Variants in FLI1 observed in about 807,000 individuals in gnomAD.
FLI1 encodes Fli-1 proto-oncogene, ETS transcription factor.
A neutral mutation model predicts 53.1 loss-of-function variants in FLI1; 13 were observed. The ratio of observed to expected loss-of-function variants is 0.24; its 90% CI spans 0.16 to 0.39. The LOEUF is 0.39. Among genes scored for constraint, FLI1 ranks in the 10% least tolerant of loss-of-function variants. The pLI is 1.00. For missense variants in FLI1, 424 were observed against 600.5 expected, an observed-to-expected ratio of 0.71 and a Z score of 3.07; for synonymous variants, 244 against 236.7, an observed-to-expected ratio of 1.03 and a Z score of -0.28.
upstream of FLI1, chr11:128,693,981 A>T: frequency 3.1e-6 from 1 of 317,758 alleles, no homozygotes; most frequent in Admixed American, 5.4e-5. Flanking sequence ...AGAGAGAGAG[A>T]GAGAGAGAGA....
chr11:128,766,442 A>G (rs1228111945), intron 2 of FLI1, among the ~76,000 whole-genome samples: 1 of 152,158 alleles, frequency 6.6e-6, no homozygotes, highest in Non-Finnish European at 1.5e-5. Context: ...TTTCATTTTC[A>G]GCCCATGTTT....
intron 1 of FLI1, among the ~76,000 whole-genome samples, chr11:128,724,395 G>T (rs1048573703): frequency 6.6e-6 from 1 of 152,192 alleles, no homozygotes; most frequent in Admixed American, 6.5e-5. Flanking sequence ...GGACACAGGT[G>T]AGGCCTGACC....
intron 1 of FLI1, among the ~76,000 whole-genome samples, chr11:128,729,093 G>A (rs1461799479): frequency 1.3e-5 from 2 of 152,154 alleles, no homozygotes; most frequent in Non-Finnish European, 2.9e-5. Flanking sequence ...TCAGCTGCAG[G>A]GATTCTTCTG....
intron 1 of FLI1, among the ~76,000 whole-genome samples, chr11:128,738,296 A>G (rs1939989040): frequency 6.6e-6 from 1 of 152,206 alleles, no homozygotes; most frequent in African/African-American, 2.4e-5. Context: ...CATCTTCCAC[A>G]TCTGCTTTTT....
chr11:128,790,295 GAC>G (rs1942233845), intron 5 of FLI1, among the ~76,000 whole-genome samples: 2 of 149,860 alleles, frequency 1.3e-5, no homozygotes, highest in Non-Finnish European at 3.0e-5. Flanking sequence ...GAGAGAGAGA[GAC>G]AGAGAGAGAG....
upstream of FLI1, chr11:128,693,528 C>T (rs1441730558): frequency 1.1e-5 from 2 of 182,638 alleles, no homozygotes; most frequent in Non-Finnish European, 2.3e-5. Flanking sequence ...CCCTACCCCA[C>T]CCCCAAAAAG....
chr11:128,748,516 C>G (rs965727676), intron 1 of FLI1, among the ~76,000 whole-genome samples: 21 of 151,968 alleles, frequency 1.4e-4, no homozygotes, highest in African/African-American at 5.1e-4. Flanking sequence ...GCCTGTAATC[C>G]CAGCTACTCA....
chr11:128,777,840 G>C (rs577321911), intron 4 of FLI1, among the ~76,000 whole-genome samples: 1 of 152,036 alleles, frequency 6.6e-6, no homozygotes, highest in Non-Finnish European at 1.5e-5. Flanking sequence ...GGACGCTTGC[G>C]CCCCCTGGCC....
chr11:128,771,699 C>T (rs192783429), intron 3 of FLI1, among the ~76,000 whole-genome samples: 10 of 152,270 alleles, frequency 6.6e-5, no homozygotes, highest in African/African-American at 2.4e-4. Flanking sequence ...AATAAAATGC[C>T]GAGTCTCTCC....
chr11:128,758,020 G>A lies in FLI1; in HGVS notation c.19-95G>A, dbSNP rs145751006. ...GAACTTCCAGACAAGCTGTCCTGGG[G>A]CAGCCCTGGGCCACCTTGCCAGCTC... is the stretch of plus-strand genomic sequence containing the variant. On this transcript the variant is annotated intron_variant, in intron 1 of 8. Transcript: ENST00000527786. The A allele has an allele frequency of 1.7e-4, 180 of 1,082,980 alleles. 1 individual carries two copies. In the East Asian group the frequency reaches 4.5e-3, roughly 27 times the overall value. 67.1% of individuals were successfully genotyped at this position (1,082,980 alleles called of 1,614,324 possible).
chr11:128,776,554 G>T (rs1941732871), intron 4 of FLI1, among the ~76,000 whole-genome samples: 1 of 152,210 alleles, frequency 6.6e-6, no homozygotes. Flanking sequence ...GGGAGGCTGA[G>T]GCAGGAGAGT....
Position 128,810,086 on chromosome 11 carries a change from C to T in FLI1, c.830-373C>T, listed in dbSNP as rs1475570977. 1.3e-5 allele frequency among the ~76,000 whole-genome samples: 2 copies of T among 151,998 alleles called. No individual in the cohort carries two copies. The highest frequency in any genetic ancestry group is 4.8e-5 in the African/African-American group (2 of 41,394). ...GGGGACATGACCACTAATTAGAGAT[C>T]AGTCAGTGATTCAGGCCTTTCTAGA... On this transcript the variant is annotated intron_variant, in intron 8 of 8. Transcript: ENST00000527786. This position sits in a 1 kb window ranked among gnomAD's most constrained non-coding sequence, Gnocchi z 6.6.
intron 5 of FLI1, among the ~76,000 whole-genome samples, chr11:128,800,838 T>C (rs574015008): frequency 1.3e-5 from 2 of 152,162 alleles, no homozygotes; most frequent in Non-Finnish European, 2.9e-5. Flanking sequence ...TTGGCAAGAG[T>C]TGATCTCAGG....
At chr11:128,773,817 G>A (rs896163606) in intron 4 of FLI1, among the ~76,000 whole-genome samples, 4 of 151,774 alleles carry the variant, frequency 2.6e-5, no homozygotes, top group African/African-American at 7.3e-5. Context: ...GGATTGTCCT[G>A]GGGCCTGAAA....
At chr11:128,768,783 C>T (rs959597016) in intron 3 of FLI1, among the ~76,000 whole-genome samples, 1 of 151,568 alleles carries the variant, frequency 6.6e-6, no homozygotes, top group Non-Finnish European at 1.5e-5. Flanking sequence ...TGTGTGGGTG[C>T]TAGAAGCCCC....
At chr11:128,693,505 C>T (rs1300899566), upstream of FLI1, 4 of 177,328 alleles carry the variant, frequency 2.3e-5, no homozygotes, top group African/African-American at 9.5e-5. Flanking sequence ...AGCCAACTCT[C>T]CCTCCATACC....
chr11:128,752,685 AT>A (rs1565482354), intron 1 of FLI1, among the ~76,000 whole-genome samples: 1 of 152,236 alleles, frequency 6.6e-6, no homozygotes, highest in Non-Finnish European at 1.5e-5. Context: ...ACTTTTCTGA[AT>A]TTCCATTTTC....
chr11:128,799,589 G>A (rs547406044), intron 5 of FLI1, among the ~76,000 whole-genome samples: 5 of 152,232 alleles, frequency 3.3e-5, no homozygotes, highest in South Asian at 2.1e-4. Context: ...TAACTGATTC[G>A]AAGTCCTATC....
chr11:128,767,347 G>A (rs1347866265), intron 2 of FLI1, among the ~76,000 whole-genome samples: 1 of 152,168 alleles, frequency 6.6e-6, no homozygotes, highest in Non-Finnish European at 1.5e-5. Flanking sequence ...CCTTCTCCAA[G>A]TAGCAACCAG....
Sources: allele counts gnomAD v4.1 joint callset (sites outside exome capture counted in the v4.1 genomes callset), GRCh38; gene constraint gnomAD v4.1.1; non-coding constraint Gnocchi (gnomAD v3.1); transcripts MANE v1.5; gene names NCBI Gene and HGNC (gene_info 2026-07-23, HGNC 2026-07-21).